The following C12orf42 variants were observed in gnomAD, a reference collection of about 807,000 sequenced individuals.
C12orf42 encodes the protein chromosome 12 open reading frame 42.
C12orf42 carries 25 observed loss-of-function variants against 21.6 expected under a neutral mutation model. That is an observed-to-expected ratio of 1.16 (90% CI 0.84 to 1.62). The LOEUF is 1.62. Ranked by LOEUF, C12orf42 falls within the 40% of genes most tolerant of loss-of-function variation. C12orf42 has a pLI of 0.00. For missense variants in C12orf42, 483 were observed against 459.3 expected, an observed-to-expected ratio of 1.05 and a Z score of -0.47; for synonymous variants, 174 against 175.0, an observed-to-expected ratio of 0.99 and a Z score of 0.05.
chr12:103,277,236 G>A (rs771240838), intron 4 of C12orf42: 3 of 437,174 alleles, frequency 6.9e-6, no homozygotes, highest in African/African-American at 6.1e-5. Flanking sequence ...ATATGGAAAG[G>A]GGGATAGAAA....
chr12:103,114,222 G>A, the C12orf42 span, among the ~76,000 whole-genome samples: 1 of 152,192 alleles, frequency 6.6e-6, no homozygotes, highest in African/African-American at 2.4e-5. Context: ...GGTTTAAAAT[G>A]TTCAAATACA....
At chr12:103,226,181 G>A in the C12orf42 span, among the ~76,000 whole-genome samples, 3 of 152,208 alleles carry the variant, frequency 2.0e-5, no homozygotes, top group African/African-American at 7.2e-5. Context: ...GGAATGCCTG[G>A]CTGCTGCGGT....
chr12:103,059,851 G>C, the C12orf42 span, among the ~76,000 whole-genome samples: 3 of 152,088 alleles, frequency 2.0e-5, no homozygotes, highest in African/African-American at 7.2e-5. Flanking sequence ...AGAACTATTT[G>C]TGACAAACCC....
At chr12:103,055,503 CT>C in the C12orf42 span, among the ~76,000 whole-genome samples, 2 of 151,890 alleles carry the variant, frequency 1.3e-5, no homozygotes, top group African/African-American at 4.8e-5. Flanking sequence ...AAAGAACCAG[CT>C]CTTTGTTTCA....
chr12:103,154,324 G>A, the C12orf42 span, among the ~76,000 whole-genome samples: 2 of 152,110 alleles, frequency 1.3e-5, no homozygotes, highest in South Asian at 4.1e-4. Flanking sequence ...CTGCCTTTTT[G>A]TTGGAATATT....
chr12:103,262,906 A>G (rs1206399699), intron 10 of C12orf42, among the ~76,000 whole-genome samples: 7 of 152,222 alleles, frequency 4.6e-5, no homozygotes, highest in Non-Finnish European at 1.0e-4. Context: ...ACCAACCCAA[A>G]TGTCCATCAA....
chr12:103,400,300 G>T (rs2047888748), intron 3 of C12orf42, among the ~76,000 whole-genome samples: 1 of 152,172 alleles, frequency 6.6e-6, no homozygotes, highest in African/African-American at 2.4e-5. Context: ...TGCAGTATGA[G>T]CTAAATGCCA....
chr12:103,085,421 A>T, the C12orf42 span, among the ~76,000 whole-genome samples: 10 of 151,926 alleles, frequency 6.6e-5, no homozygotes, highest in African/African-American at 1.9e-4. Flanking sequence ...TTCAAATCTA[A>T]CTCACTTTTC....
chr12:103,470,100 T>C (rs1953473006), intron 2 of C12orf42, among the ~76,000 whole-genome samples: 1 of 152,198 alleles, frequency 6.6e-6, no homozygotes, highest in South Asian at 2.1e-4. Context: ...CTATTTCCCA[T>C]CCCAGCGTTC....
chr12:103,447,857 C>T (rs747645272), intron 2 of C12orf42, among the ~76,000 whole-genome samples: 4 of 151,730 alleles, frequency 2.6e-5, no homozygotes, highest in African/African-American at 4.8e-5. Context: ...ATTGTGAAAA[C>T]GACCATACTG....
chr12:103,415,790 C>A (rs141393650), intron 2 of C12orf42, among the ~76,000 whole-genome samples: 52 of 152,216 alleles, frequency 3.4e-4, no homozygotes, highest in African/African-American at 1.2e-3. Context: ...GGACAGAACA[C>A]AATAGTCACC....
At chr12:103,417,788 G>GT (rs1256049927) in intron 2 of C12orf42, among the ~76,000 whole-genome samples, 1 of 152,210 alleles carries the variant, frequency 6.6e-6, no homozygotes, top group Non-Finnish European at 1.5e-5. Context: ...ATAAGAAGTG[G>GT]TTGGACTGAT....
chr12:103,313,212 C>T lies in C12orf42; in HGVS notation c.260-6867G>A, dbSNP rs182526043. Among the ~76,000 whole-genome samples, 74 of 152,288 alleles carry T rather than the reference C, an allele frequency of 4.9e-4. No individual in the cohort carries two copies. The East Asian group carries it at 0.013, about 26-fold the overall frequency. On this transcript the variant is annotated intron_variant, in intron 4 of 5. Coordinates refer to ENST00000548883, the MANE Select transcript of C12orf42 (RefSeq NM_198521.5). Reference sequence around the variant, plus strand: ...GCCTGAAGCTAATCGATTTCATCTCCGGCATATCTAAAGTCCAACATAAAC... The same window carrying T: ...GCCTGAAGCTAATCGATTTCATCTCTGGCATATCTAAAGTCCAACATAAAC...
chr12:103,390,766 A>G (rs1357159019), intron 3 of C12orf42, among the ~76,000 whole-genome samples: 1 of 152,214 alleles, frequency 6.6e-6, no homozygotes, highest in Non-Finnish European at 1.5e-5. Context: ...GTCCAAGCGC[A>G]AGAGATGACA....
chr12:103,219,630 CTT>C, the C12orf42 span, among the ~76,000 whole-genome samples: 4 of 152,224 alleles, frequency 2.6e-5, no homozygotes, highest in African/African-American at 9.6e-5. Flanking sequence ...CAAAAGAAGA[CTT>C]TTATGTGGCC....
the C12orf42 span, among the ~76,000 whole-genome samples, chr12:103,140,210 C>T: frequency 6.6e-6 from 1 of 152,178 alleles, no homozygotes; most frequent in African/African-American, 2.4e-5. Flanking sequence ...ACAATACACA[C>T]ATTTTATAAT....
intron 4 of C12orf42, among the ~76,000 whole-genome samples, chr12:103,295,912 G>A (rs769940482): frequency 3.3e-5 from 5 of 151,540 alleles, no homozygotes; most frequent in Admixed American, 6.6e-5. Context: ...TGTGCACAAC[G>A]TGCAGGTTTG....
intron 2 of C12orf42, among the ~76,000 whole-genome samples, chr12:103,436,353 A>G (rs1273329334): frequency 6.6e-6 from 1 of 152,182 alleles, no homozygotes; most frequent in Non-Finnish European, 1.5e-5. Context: ...CTAACAAGCA[A>G]AATCACTAGC....
the C12orf42 span, among the ~76,000 whole-genome samples, chr12:103,103,290 G>A: frequency 3.9e-5 from 6 of 152,172 alleles, no homozygotes; most frequent in African/African-American, 1.4e-4. Flanking sequence ...CCTGAAAACA[G>A]CCATCTCTTT....
Sources: gnomAD v4.1 joint callset for allele counts (sites outside exome capture counted in the v4.1 genomes callset) on GRCh38, gnomAD v4.1.1 for gene constraint, MANE v1.5 for transcripts, NCBI Gene and HGNC (gene_info 2026-07-23, HGNC 2026-07-21) for gene names.